Variants in PARD3 observed in about 807,000 individuals in gnomAD.
The protein encoded by PARD3 is par-3 family cell polarity regulator, also known as partitioning defective 3 homolog.
A neutral mutation model predicts 155.4 loss-of-function variants in PARD3; 75 were observed. The observed-to-expected ratio is 0.48, with a 90% CI of 0.40 to 0.58. The LOEUF (loss-of-function observed/expected upper bound fraction) is 0.58, where lower values mean the gene tolerates loss of function less well. PARD3 is among the 20% of genes least tolerant of loss of function. The probability of loss-of-function intolerance (pLI) is 0.00; values close to 1 mark genes in which losing one functional copy is unlikely to be tolerated. For missense variants in PARD3, 1,642 were observed against 1,721.7 expected (o/e 0.95, Z 0.82); for synonymous variants, 576 against 610.5 (o/e 0.94, Z 0.83).
rs932950742 is a variant in PARD3 at position 34,461,130 on chromosome 10, T to C, written c.582+8955A>G. ...AGATCATAACAGGAGCAGGAATATA[T>C]GCAAAATTAAAAGAAAGGATGTTTA... On this transcript the variant is annotated intron_variant, in intron 4 of 24. Transcript: ENST00000374788. Among the ~76,000 whole-genome samples, 5 of 152,244 alleles carry C rather than the reference T, an allele frequency of 3.3e-5. No individual in the cohort carries two copies. In the South Asian group the frequency reaches 6.2e-4, roughly 19 times the overall value.
Position 34,699,251 on chromosome 10 carries a change from C to T in PARD3, c.121-2832G>A, listed in dbSNP as rs1481331936. Among the ~76,000 whole-genome samples the T allele has an allele frequency of 3.3e-5, 5 of 152,202 alleles. No homozygotes were observed. The East Asian group carries it at 9.7e-4, about 29-fold the overall frequency. ...TTAAATGCCACTCCACAAAAATGTG[C>T]TGAATGGATATGACGTTTTGAAAAG... On this transcript the variant is annotated intron_variant, in intron 1 of 24. Coordinates refer to ENST00000374788, the MANE Select transcript of PARD3 (RefSeq NM_001184785.2).
intron 1 of PARD3, among the ~76,000 whole-genome samples, chr10:34,721,940 G>A (rs1297009516): frequency 1.3e-5 from 2 of 152,162 alleles, no homozygotes; most frequent in African/African-American, 2.4e-5. Context: ...AGCTTTGGGA[G>A]GCCAAACCAG....
At chr10:34,132,344 C>A (rs1002736700) in intron 22 of PARD3, among the ~76,000 whole-genome samples, 1 of 133,904 alleles carries the variant, frequency 7.5e-6, no homozygotes, top group African/African-American at 2.8e-5. Flanking sequence ...CCTACGCACA[C>A]GTTTACAAAT....
At chr10:34,117,832 G>T (rs902585651) in intron 24 of PARD3, among the ~76,000 whole-genome samples, 5 of 152,168 alleles carry the variant, frequency 3.3e-5, no homozygotes, top group Non-Finnish European at 5.9e-5. Flanking sequence ...AATTGCTTGA[G>T]TCTGGGAGGT....
chr10:34,701,389 C>T (rs895997525), intron 1 of PARD3, among the ~76,000 whole-genome samples: 9 of 145,094 alleles, frequency 6.2e-5, no homozygotes, highest in East Asian at 6.0e-4. Flanking sequence ...CAAGCATAAT[C>T]GCACAAAGAC....
At chr10:34,540,078 G>A (rs2083495534) in intron 2 of PARD3, among the ~76,000 whole-genome samples, 1 of 152,152 alleles carries the variant, frequency 6.6e-6, no homozygotes, top group Admixed American at 6.5e-5. Context: ...AGGAGCCACC[G>A]TGTCCTTTCC....
intron 22 of PARD3, among the ~76,000 whole-genome samples, chr10:34,261,978 T>G (rs1955051648): frequency 6.6e-6 from 1 of 152,164 alleles, no homozygotes; most frequent in Non-Finnish European, 1.5e-5. Flanking sequence ...CTGACAGAAA[T>G]GATAAATTAT....
chr10:34,470,453 G>A (rs562306074), intron 3 of PARD3, among the ~76,000 whole-genome samples, 190 bp from the exon 4 acceptor site: 6 of 152,236 alleles, frequency 3.9e-5, no homozygotes, highest in East Asian at 1.9e-4. Flanking sequence ...AAAGAGATGC[G>A]GTCAAGTGTC....
chr10:34,192,448 A>G (rs1790715721), intron 22 of PARD3, among the ~76,000 whole-genome samples: 2 of 152,322 alleles, frequency 1.3e-5, no homozygotes, highest in Non-Finnish European at 1.5e-5. Flanking sequence ...AGACAGAAAC[A>G]GCACCAACCT....
intron 1 of PARD3, among the ~76,000 whole-genome samples, chr10:34,805,904 G>T (rs1446060643): frequency 6.6e-6 from 1 of 151,958 alleles, no homozygotes; most frequent in African/African-American, 2.4e-5. Context: ...GTGAACCTAG[G>T]AGGTGGAGCT....
At chr10:34,569,165 T>G (rs1057301301) in intron 2 of PARD3, among the ~76,000 whole-genome samples, 1 of 152,068 alleles carries the variant, frequency 6.6e-6, no homozygotes, top group East Asian at 1.9e-4. Flanking sequence ...AAATACAACA[T>G]GAGAAAAATT....
intron 20 of PARD3, among the ~76,000 whole-genome samples, chr10:34,290,810 G>C (rs1710758328): frequency 6.6e-6 from 1 of 152,168 alleles, no homozygotes; most frequent in African/African-American, 2.4e-5. Context: ...TTGTCCTAAA[G>C]ATCCTTGAGA....
rs1209168898 is a variant in PARD3, at chr10:34,360,229, G to A, written c.1738C>T (p.Pro580Ser). The A allele has an allele frequency of 1.9e-6, 3 of 1,613,518 alleles. No individual in the cohort carries two copies. The highest frequency in any genetic ancestry group is 2.2e-5 in the East Asian group (1 of 44,884). ...GTCAGAAATTCCCTGGTGCCATCAG[G>A]TGTAAGAACAATATCCTCATCTTCT... The part of the protein sequence containing the change: ...KAEDEDIVLT[P>S]DGTREFLTFE... The change falls in exon 13 of 25, where the codon CCT (proline) becomes TCT (serine). Residue 580 changes from proline (P) to serine (S), a missense_variant. Physicochemically the swap from Pro to Ser is moderately conservative, Grantham distance 74. This residue lies in a region of PARD3 where 1,529 missense variants were observed against 1,587.3 expected (regional missense o/e 0.96). Coordinates refer to ENST00000374788, the MANE Select transcript of PARD3 (RefSeq NM_001184785.2).
intron 22 of PARD3, among the ~76,000 whole-genome samples, chr10:34,156,977 G>A (rs1036729): frequency 0.34 from 52,100 of 151,894 alleles, 10,468 homozygotes; most frequent in African/African-American, 0.56. Flanking sequence ...CCCTTGAGTA[G>A]GAATGCAACA....
At chr10:34,448,486 T>G (rs1205115461) in intron 5 of PARD3, among the ~76,000 whole-genome samples, 1 of 152,278 alleles carries the variant, frequency 6.6e-6, no homozygotes, top group East Asian at 1.9e-4. Flanking sequence ...GTGAGTCTAA[T>G]AAACATATTT....
At chr10:34,592,182 T>G (rs575196091) in intron 2 of PARD3, among the ~76,000 whole-genome samples, 44 of 152,336 alleles carry the variant, frequency 2.9e-4, no homozygotes, top group African/African-American at 8.7e-4. Context: ...TCTGGACTCA[T>G]GATACACAAC....
chr10:34,716,952 A>AT (rs930092009), intron 1 of PARD3, among the ~76,000 whole-genome samples: 24 of 150,900 alleles, frequency 1.6e-4, no homozygotes, highest in Middle Eastern at 3.4e-3. Flanking sequence ...ATAATATCAG[A>AT]TTTTTTTTTG....
intron 5 of PARD3, among the ~76,000 whole-genome samples, chr10:34,405,804 G>C (rs923039462): frequency 1.3e-5 from 2 of 152,126 alleles, no homozygotes; most frequent in African/African-American, 4.8e-5. Context: ...TTCTCACAAG[G>C]TGATGTGAAG....
intron 13 of PARD3, 37 bp from the exon 14 acceptor site, chr10:34,359,354 CA>C: frequency 6.8e-7 from 1 of 1,468,630 alleles, no homozygotes; most frequent in Non-Finnish European, 9.4e-7. Context: ...TGCTATTAAA[CA>C]GACTGCTATA....
Sources: allele counts gnomAD v4.1 joint callset (sites outside exome capture counted in the v4.1 genomes callset), GRCh38; gene constraint gnomAD v4.1.1; regional missense constraint gnomAD v4.1.1; transcripts MANE v1.5; gene names NCBI Gene and HGNC (gene_info 2026-07-23, HGNC 2026-07-21).